Variants in ARPC4 observed in about 807,000 individuals in gnomAD.
ARPC4 encodes the protein actin related protein 2/3 complex subunit 4.
Under a neutral mutation model 22.8 loss-of-function variants are expected in ARPC4, and 3 were observed. The observed-to-expected ratio is 0.13, with a 90% CI of 0.06 to 0.34. ARPC4 has a LOEUF of 0.34. ARPC4 is among the 10% of genes least tolerant of loss of function. ARPC4 has a pLI of 1.00. For synonymous variants in ARPC4, 80 were observed against 72.5 expected (o/e 1.10, Z -0.52); for missense variants, 98 against 211.0 (o/e 0.46, Z 3.32).
rs368724720 is a variant in ARPC4, at chr3:9,793,627, G to C, written c.3+503G>C. 7.9e-5 allele frequency among the ~76,000 whole-genome samples: 12 copies of C among 152,272 alleles called. No homozygotes were observed. In the South Asian group the frequency reaches 2.3e-3, roughly 29 times the overall value. On this transcript the variant is annotated intron_variant, in intron 1 of 5. Transcript: ENST00000397261. Reference sequence around the variant, plus strand: ...CTTCCACCCCATTGGAGGATCTCTCGTGTTGCTTCCATTCAGGCCCTTCCT... The same window carrying C: ...CTTCCACCCCATTGGAGGATCTCTCCTGTTGCTTCCATTCAGGCCCTTCCT...
chr3:9,805,509 A>C lies in ARPC4; in HGVS notation c.502-701A>C, dbSNP rs534765484. 5.3e-5 allele frequency among the ~76,000 whole-genome samples: 8 copies of C among 152,320 alleles called. No individual in the cohort carries two copies. The East Asian group carries it at 1.5e-3, about 29-fold the overall frequency. On this transcript the variant is annotated intron_variant, in intron 5 of 5. Transcript: ENST00000397261. ...GAGTGGGCAGGGTGAGGAGCTGCTGAGCGCATGCCTCATGTGCAGGGGCTG... is the reference window on the plus strand; with the variant it reads ...GAGTGGGCAGGGTGAGGAGCTGCTGCGCGCATGCCTCATGTGCAGGGGCTG...
chr3:9,793,230 T>C, intron 1 of ARPC4, 106 bp downstream of exon 1: 2 of 1,450,862 alleles, frequency 1.4e-6, no homozygotes, highest in Non-Finnish European at 9.1e-7. Flanking sequence ...CCGAGGGATG[T>C]CCGGGGGTTG....
intron 1 of ARPC4, among the ~76,000 whole-genome samples, chr3:9,794,383 C>G (rs2078833438): frequency 6.6e-6 from 1 of 152,116 alleles, no homozygotes; most frequent in Non-Finnish European, 1.5e-5. Context: ...CCTGTAGTCC[C>G]AGCTACTCAG....
chr3:9,792,570 G>T, upstream of ARPC4: 1 of 1,228,810 alleles, frequency 8.1e-7, no homozygotes, highest in Non-Finnish European at 1.0e-6. Flanking sequence ...GGTGGGCCTC[G>T]AGCAAAGCCG....
chr3:9,805,728 C>T (rs975674639), intron 5 of ARPC4, among the ~76,000 whole-genome samples: 1 of 152,196 alleles, frequency 6.6e-6, no homozygotes, highest in East Asian at 1.9e-4. Context: ...CAGGGCTGTC[C>T]TAGGCAGCAT....
At chr3:9,795,309 C>G (rs2078859809) in intron 1 of ARPC4, among the ~76,000 whole-genome samples, 1 of 151,964 alleles carries the variant, frequency 6.6e-6, no homozygotes, top group South Asian at 2.1e-4. Flanking sequence ...TTTTTCAGTT[C>G]CATTATCCAC....
rs764809330 is a variant in ARPC4 at position 9,797,797 on chromosome 3, G to A, written c.122+20G>A. 9 of 1,611,310 alleles carry A rather than the reference G, an allele frequency of 5.6e-6. No individual in the cohort carries two copies. The highest frequency in any genetic ancestry group is 7.6e-6 in the Non-Finnish European group (9 of 1,178,958). On this transcript the variant is annotated intron_variant, in intron 2 of 5. Coordinates refer to ENST00000397261, the MANE Select transcript of ARPC4 (RefSeq NM_005718.5). ...AGTCAGGTAGGGAAGGACAAGTCAA[G>A]GTGGGGATGAGGGGTGCAGCACACA... is the stretch of plus-strand genomic sequence containing the variant.
chr3:9,799,895 A>G, intron 2 of ARPC4: 1 of 547,376 alleles, frequency 1.8e-6, no homozygotes. Context: ...CCAGTGAATT[A>G]GGAATCAGAG....
chr3:9,804,592 C>G (rs1221471983), intron 5 of ARPC4, among the ~76,000 whole-genome samples: 5 of 152,266 alleles, frequency 3.3e-5, no homozygotes, highest in African/African-American at 4.8e-5. Flanking sequence ...TGACATCGTT[C>G]TTAGTTGTTT....
At chr3:9,803,540 T>C in intron 4 of ARPC4, 1 of 531,348 alleles carries the variant, frequency 1.9e-6, no homozygotes, top group South Asian at 1.5e-5. Flanking sequence ...GATTAGATTA[T>C]TCTGTAACAA....
intron 1 of ARPC4, 27 bp downstream of exon 1, chr3:9,793,151 GA>G (rs1315002207): frequency 3.3e-6 from 5 of 1,537,628 alleles, no homozygotes; most frequent in African/African-American, 1.4e-5. Context: ...CCCGGCCAGG[GA>G]CCCCCGGCTG....
In ARPC4 at chr3:9,798,341, T is replaced by C. The variant is rs73113575; in HGVS notation, c.122+564T>C. On this transcript the variant is annotated intron_variant, in intron 2 of 5. Coordinates refer to ENST00000397261, the MANE Select transcript of ARPC4 (RefSeq NM_005718.5). ...GTTCACCCCTGTAATCCGAGCACTT[T>C]AGGAGGCTGAAGTGGGTAGATCGCT... 2.9e-3 allele frequency among the ~76,000 whole-genome samples: 448 copies of C among 152,194 alleles called. 1 individual carries two copies. The highest frequency in any genetic ancestry group is 0.01 in the African/African-American group (419 of 41,518).
chr3:9,806,246 C>A lies in ARPC4; in HGVS notation c.*31C>A. The A allele has an allele frequency of 6.2e-7, 1 of 1,611,628 alleles. No individual in the cohort carries two copies. Among genetic ancestry groups the A allele is most frequent in the Non-Finnish European group, 8.5e-7 (1 of 1,177,714 alleles). ...CTGGCTGGATCTCGTGGCCTTCCCC[C>A]TCAGACTACCCATGTCTCCACGAAG... On this transcript the variant is annotated 3_prime_UTR_variant, in exon 6 of 6. Coordinates refer to ENST00000397261, the MANE Select transcript of ARPC4 (RefSeq NM_005718.5).
chr3:9,792,726 G>C (rs778335537), upstream of ARPC4: 73 of 1,236,154 alleles, frequency 5.9e-5, no homozygotes, highest in Non-Finnish European at 7.3e-5. Flanking sequence ...CGAGAGAAAG[G>C]ATGGGGGTAC....
chr3:9,798,820 G>A (rs1454645977), intron 2 of ARPC4, among the ~76,000 whole-genome samples: 1 of 152,194 alleles, frequency 6.6e-6, no homozygotes, highest in Non-Finnish European at 1.5e-5. Flanking sequence ...GTTGCAGTGA[G>A]CCAAGATCGT....
At chr3:9,805,836 C>T (rs1182916597) in intron 5 of ARPC4, among the ~76,000 whole-genome samples, 2 of 152,210 alleles carry the variant, frequency 1.3e-5, no homozygotes, top group Non-Finnish European at 2.9e-5. Context: ...GGTCCTTTTC[C>T]ACTTGGCCCT....
chr3:9,794,820 C>G (rs899804745), intron 1 of ARPC4, among the ~76,000 whole-genome samples: 5 of 152,160 alleles, frequency 3.3e-5, no homozygotes, highest in Non-Finnish European at 5.9e-5. Context: ...TTTTTCCCCC[C>G]TGTAGTTTTG....
At chr3:9,804,608 T>C (rs992569356) in intron 5 of ARPC4, among the ~76,000 whole-genome samples, 4 of 152,238 alleles carry the variant, frequency 2.6e-5, no homozygotes, top group South Asian at 2.1e-4. Flanking sequence ...TGTTTAGATA[T>C]TCAGAACATG....
intron 5 of ARPC4, 53 bp downstream of exon 5, chr3:9,804,066 T>C (rs1448701831): frequency 6.3e-7 from 1 of 1,592,696 alleles, no homozygotes; most frequent in African/African-American, 1.3e-5. Context: ...CTGGGGGTCA[T>C]GTTGAGAACT....
Sources: allele counts gnomAD v4.1 joint callset (sites outside exome capture counted in the v4.1 genomes callset), GRCh38; gene constraint gnomAD v4.1.1; transcripts MANE v1.5; gene names NCBI Gene and HGNC (gene_info 2026-07-23, HGNC 2026-07-21).